Variants in NUP93 observed in about 807,000 individuals in gnomAD.
NUP93 encodes the protein nuclear pore complex protein Nup93.
NUP93 carries 55 observed loss-of-function variants against 107.8 expected under a neutral mutation model. The ratio of observed to expected loss-of-function variants is 0.51; its 90% confidence interval spans 0.41 to 0.64. The LOEUF is 0.64. Ranked by LOEUF, NUP93 falls within the 30% of genes least tolerant of loss-of-function variation. The pLI is 0.00. For missense variants in NUP93, 937 were observed against 1,044.7 expected (o/e 0.90, Z 1.42); for synonymous variants, 390 against 397.5 (o/e 0.98, Z 0.22).
intron 16 of NUP93, 152 bp from the exon 17 acceptor site, chr16:56,836,449 G>T: frequency 3.1e-6 from 2 of 638,050 alleles, no homozygotes; most frequent in Non-Finnish European, 5.6e-6. Flanking sequence ...CTTTAAGAAA[G>T]CCAGAGTCTG....
intron 3 of NUP93, chr16:56,783,561 A>G: frequency 3.0e-6 from 3 of 985,458 alleles, no homozygotes; most frequent in Non-Finnish European, 3.6e-6. Flanking sequence ...TGACTCAATT[A>G]TCCACGCCTT....
At chr16:56,768,114 C>T (rs1330413553) in intron 3 of NUP93, among the ~76,000 whole-genome samples, 1 of 152,234 alleles carries the variant, frequency 6.6e-6, no homozygotes, top group Non-Finnish European at 1.5e-5. Context: ...TTTGCACTTA[C>T]CTGCTGCAGA....
In NUP93 at chr16:56,848,261, C is replaced by G. The variant is rs1964138005; in HGVS notation, c.*3652C>G. ...CGGGTTGACCCAGGCCTGACAAAGT[C>G]TTGGCAGTCCCCACACTGACTGCGA... On this transcript the variant is annotated 3_prime_UTR_variant, in exon 22 of 22. Transcript: ENST00000308159. 6.6e-6 allele frequency: 1 copy of G among 152,238 alleles called. No homozygotes were observed. Among genetic ancestry groups the G allele is most frequent in the South Asian group, 2.1e-4 (1 of 4,834 alleles). The allele number at this position is 152,238 out of a possible 1,614,324, so 9.4% of individuals were successfully genotyped here.
chr16:56,821,138 G>A (rs1446065189), intron 6 of NUP93, among the ~76,000 whole-genome samples: 1 of 152,164 alleles, frequency 6.6e-6, no homozygotes, highest in Non-Finnish European at 1.5e-5. Context: ...GGGCCATTCA[G>A]TCCTTTTGAA....
chr16:56,836,538 TTAAAA>T (rs771067907), intron 16 of NUP93, 58 bp from the exon 17 acceptor site: 17 of 1,001,608 alleles, frequency 1.7e-5, no homozygotes, highest in Non-Finnish European at 2.3e-5. Context: ...TTCTCTGTGT[TTAAAA>T]TAATAGCTCT....
intron 1 of NUP93, among the ~76,000 whole-genome samples, chr16:56,742,155 C>T (rs1288279117): frequency 6.6e-6 from 1 of 152,234 alleles, no homozygotes; most frequent in Non-Finnish European, 1.5e-5. Context: ...CAGGCATCAT[C>T]ATTTACAAAA....
chr16:56,748,704 T>G (rs1331755155), intron 2 of NUP93, among the ~76,000 whole-genome samples: 1 of 152,164 alleles, frequency 6.6e-6, no homozygotes, highest in African/African-American at 2.4e-5. Context: ...ATGCTGAATC[T>G]GGTCACAGAA....
intron 13 of NUP93, 111 bp downstream of exon 13, chr16:56,833,517 AT>A: frequency 2.4e-6 from 2 of 821,504 alleles, no homozygotes; most frequent in Non-Finnish European, 3.6e-6. Context: ...GGTACCAGTC[AT>A]TTTAGAGCAT....
At chr16:56,778,454 T>C (rs936883714) in intron 3 of NUP93, among the ~76,000 whole-genome samples, 2 of 152,090 alleles carry the variant, frequency 1.3e-5, no homozygotes, top group Admixed American at 6.6e-5. Context: ...GCAGTACTTA[T>C]GGAAGTTGGT....
chr16:56,756,503 A>G (rs1318971102), intron 2 of NUP93, among the ~76,000 whole-genome samples: 1 of 152,084 alleles, frequency 6.6e-6, no homozygotes, highest in East Asian at 1.9e-4. Context: ...GTGGTATTCC[A>G]TGGTGTATAT....
At chr16:56,832,132 T>G in intron 11 of NUP93, 125 bp downstream of exon 11, 1 of 1,292,992 alleles carries the variant, frequency 7.7e-7, no homozygotes. Flanking sequence ...GTTCCTCGTC[T>G]CCTGTCCCCA....
Position 56,740,012 on chromosome 16 carries a change from G to T in NUP93, c.-14-8222G>T, listed in dbSNP as rs1306052066. ...GGGCAGAGGGGCTCCTCACTTCCCA[G>T]TAGGGGCGGCGGGGCAGAGGCGCCC... On this transcript the variant is annotated intron_variant, in intron 1 of 21. Coordinates refer to ENST00000308159, the MANE Select transcript of NUP93 (RefSeq NM_014669.5). Among the ~76,000 whole-genome samples, 49 of 81,558 alleles carry T rather than the reference G, an allele frequency of 6.0e-4. 1 individual carries two copies. Among genetic ancestry groups the T allele is most frequent in the African/African-American group, 2.6e-3 (46 of 17,626 alleles). 53.5% of individuals were successfully genotyped at this position (81,558 alleles called of 152,430 possible).
intron 3 of NUP93, among the ~76,000 whole-genome samples, chr16:56,764,125 G>A (rs1378348386): frequency 6.6e-6 from 1 of 152,154 alleles, no homozygotes; most frequent in East Asian, 1.9e-4. Flanking sequence ...TGGAAATGTA[G>A]AATATGCTCA....
intron 1 of NUP93, among the ~76,000 whole-genome samples, chr16:56,743,667 A>G (rs1961773910): frequency 6.6e-6 from 1 of 152,178 alleles, no homozygotes. Flanking sequence ...ATTTTCTGAA[A>G]AGTGAGCATA....
intron 3 of NUP93, among the ~76,000 whole-genome samples, chr16:56,775,138 C>T (rs1962394067): frequency 6.6e-6 from 1 of 152,102 alleles, no homozygotes; most frequent in African/African-American, 2.4e-5. Context: ...TGAGCTCAAG[C>T]GATCCACCTA....
Position 56,844,869 on chromosome 16 carries a change from G to A in NUP93, c.*260G>A. On this transcript the variant is annotated 3_prime_UTR_variant, in exon 22 of 22. Coordinates refer to ENST00000308159, the MANE Select transcript of NUP93 (RefSeq NM_014669.5). ...TACCGTCACTAGCTCTTGGGCCAGGGAATGAGAGGCTATGTAGATATTCAT... is the reference window on the plus strand; with the variant it reads ...TACCGTCACTAGCTCTTGGGCCAGGAAATGAGAGGCTATGTAGATATTCAT... 1 of 400,972 alleles carries A rather than the reference G, an allele frequency of 2.5e-6. No individual in the cohort carries two copies. The highest frequency in any genetic ancestry group is 4.4e-6 in the Non-Finnish European group (1 of 227,812). 24.8% of individuals were successfully genotyped at this position (400,972 alleles called of 1,614,324 possible).
chr16:56,844,526 A>T lies in NUP93; in HGVS notation c.2377A>T (p.Ile793Phe). The change falls in exon 22 of 22, where the codon ATT becomes TTT. Residue 793 changes from isoleucine to phenylalanine, a missense_variant. Transcript: ENST00000308159. ...ACTCCGAAGTCAAGCCCGCACTCTG[A>T]TTACCTTTGCTGGAATGATACCATA... Reference protein sequence around the residue: ...SQLRSQARTLITFAGMIPYRT... With the variant: ...SQLRSQARTLFTFAGMIPYRT... 1 of 1,529,194 alleles carries T rather than the reference A, an allele frequency of 6.5e-7. No homozygotes were observed. Among genetic ancestry groups the T allele is most frequent in the Non-Finnish European group, 8.8e-7 (1 of 1,137,308 alleles). The allele number at this position is 1,529,194 out of a possible 1,614,324, so 94.7% of individuals were successfully genotyped here.
At chr16:56,834,837 A>G in intron 16 of NUP93, 59 bp downstream of exon 16, 2 of 1,288,014 alleles carry the variant, frequency 1.6e-6, no homozygotes, top group East Asian at 2.3e-5. Flanking sequence ...TATAAATATC[A>G]AAAAATACAC....
rs78385002 is a variant in NUP93 at position 56,820,184 on chromosome 16, C to T, written c.565-1320C>T. Among the ~76,000 whole-genome samples, 145 of 152,354 alleles carry T rather than the reference C, an allele frequency of 9.5e-4. 1 individual carries two copies. In the East Asian group the frequency reaches 0.018, roughly 19 times the overall value. Reference sequence around the variant, plus strand: ...CGTAATATTGTGTCTGTTTACACGGCTGTCCTCTCCACTAAAGAGTGAAGC... The same window carrying T: ...CGTAATATTGTGTCTGTTTACACGGTTGTCCTCTCCACTAAAGAGTGAAGC... On this transcript the variant is annotated intron_variant, in intron 6 of 21. Coordinates refer to ENST00000308159, the MANE Select transcript of NUP93 (RefSeq NM_014669.5).
Sources: allele counts gnomAD v4.1 joint callset (sites outside exome capture counted in the v4.1 genomes callset), GRCh38; gene constraint gnomAD v4.1.1; transcripts MANE v1.5; gene names NCBI Gene and HGNC (gene_info 2026-07-23, HGNC 2026-07-21).